TANC1: variants seen among roughly 807,000 people sequenced by gnomAD.
The protein encoded by TANC1 is tetratricopeptide repeat, ankyrin repeat and coiled-coil containing 1.
A neutral mutation model predicts 149.7 loss-of-function variants in TANC1; 77 were observed. That is an observed-to-expected ratio of 0.51 (90% CI 0.43 to 0.62). The LOEUF is 0.62. Among genes scored for constraint, TANC1 ranks in the 20% least tolerant of loss-of-function variants. The probability of loss-of-function intolerance (pLI) is 0.00; values close to 1 mark genes in which losing one functional copy is unlikely to be tolerated. For synonymous variants in TANC1, 854 were observed against 925.0 expected (o/e 0.92, Z 1.39); for missense variants, 1,985 against 2,321.8 (o/e 0.85, Z 2.98).
Position 159,172,258 on chromosome 2 carries a change from T to C in TANC1, c.1489T>C (p.Tyr497His), listed in dbSNP as rs1379043422. The C allele has an allele frequency of 5.0e-6, 8 of 1,614,062 alleles. No homozygotes were observed. Among genetic ancestry groups the C allele is most frequent in the South Asian group, 1.1e-5 (1 of 91,040 alleles). ...NQRPREDAVK[Y>H]LASKVVAYHY... Reference sequence around the variant, plus strand: ...GAGACCAAGAGAGGATGCAGTGAAATATCTTGCTTCTAAGGTAATCTTTCT... The same window carrying C: ...GAGACCAAGAGAGGATGCAGTGAAACATCTTGCTTCTAAGGTAATCTTTCT... The change falls in exon 11 of 27, where the codon TAT (tyrosine) becomes CAT (histidine). Residue 497 changes from tyrosine (Y) to histidine (H), a missense_variant. Transcript: ENST00000263635.
At chr2:159,095,180 T>G (rs1263876263) in intron 3 of TANC1, among the ~76,000 whole-genome samples, 1 of 152,034 alleles carries the variant, frequency 6.6e-6, no homozygotes, top group African/African-American at 2.4e-5. Flanking sequence ...ACTCCTGACC[T>G]CGTGATTCGC....
intron 14 of TANC1, among the ~76,000 whole-genome samples, chr2:159,182,191 A>G (rs2056556606): frequency 8.1e-6 from 1 of 123,464 alleles, no homozygotes; most frequent in Admixed American, 9.2e-5. Flanking sequence ...CCTGGGCAAC[A>G]AGAACAAAAC....
At chr2:159,171,513 A>G (rs1191682985) in intron 10 of TANC1, among the ~76,000 whole-genome samples, 2 of 151,778 alleles carry the variant, frequency 1.3e-5, no homozygotes, top group Admixed American at 1.3e-4. Flanking sequence ...TGTCCCAGCT[A>G]CTCAGGAGGC....
At chr2:158,998,887 G>A (rs892367986) in intron 1 of TANC1, among the ~76,000 whole-genome samples, 4 of 152,102 alleles carry the variant, frequency 2.6e-5, no homozygotes, top group Admixed American at 2.6e-4. Flanking sequence ...TAAATAGAGC[G>A]GGAAGAGAGG....
At chr2:159,205,550 G>A (rs577118594) in intron 19 of TANC1, among the ~76,000 whole-genome samples, 1 of 152,256 alleles carries the variant, frequency 6.6e-6, no homozygotes, top group African/African-American at 2.4e-5. Context: ...AAGTACCACC[G>A]TGTTACAGCT....
chr2:159,217,391 C>T, intron 19 of TANC1, 106 bp from the exon 20 acceptor site: 1 of 1,442,940 alleles, frequency 6.9e-7, no homozygotes, highest in Non-Finnish European at 9.6e-7. Flanking sequence ...AGGGGGAGGA[C>T]ATATAGACCC....
At chr2:159,140,591 A>C (rs963852034) in intron 5 of TANC1, among the ~76,000 whole-genome samples, 3 of 152,058 alleles carry the variant, frequency 2.0e-5, no homozygotes, top group Non-Finnish European at 4.4e-5. Context: ...GCAGGGGATT[A>C]GAGACCTGTA....
chr2:159,102,712 CTTT>C (rs755803794), intron 4 of TANC1, among the ~76,000 whole-genome samples: 11 of 27,084 alleles, frequency 4.1e-4, no homozygotes, highest in Non-Finnish European at 9.0e-4. Flanking sequence ...TGGATATTTG[CTTT>C]TTTTTTTTTT....
chr2:159,185,960 G>T, intron 15 of TANC1, 61 bp downstream of exon 15: 1 of 1,319,924 alleles, frequency 7.6e-7, no homozygotes, highest in South Asian at 1.2e-5. Context: ...TTTTGCTTTG[G>T]AGATTTTAGA....
Position 159,196,546 on chromosome 2 carries a change from C to G in TANC1, c.2980-62C>G, listed in dbSNP as rs967593231. 14 of 1,437,578 alleles carry G rather than the reference C, an allele frequency of 9.7e-6. No homozygotes were observed. In the African/African-American group the frequency reaches 2.0e-4, roughly 20 times the overall value. 89.1% of individuals were successfully genotyped at this position (1,437,578 alleles called of 1,614,324 possible). Reference sequence around the variant, plus strand: ...GGGGTTTGCACACAGCTAGGTGGTGCATCTGCATGCTCAGAGGCAAAGTAA... The same window carrying G: ...GGGGTTTGCACACAGCTAGGTGGTGGATCTGCATGCTCAGAGGCAAAGTAA... On this transcript the variant is annotated intron_variant, in intron 17 of 26. Transcript: ENST00000263635.
chr2:159,065,793 C>A, intron 2 of TANC1, 103 bp from the exon 3 acceptor site: 1 of 810,970 alleles, frequency 1.2e-6, no homozygotes, highest in Non-Finnish European at 2.1e-6. Flanking sequence ...TAATATTAAG[C>A]GGTCTGTTTG....
intron 8 of TANC1, among the ~76,000 whole-genome samples, chr2:159,167,878 G>A (rs767887613): frequency 1.3e-5 from 2 of 152,106 alleles, no homozygotes; most frequent in African/African-American, 2.4e-5. Context: ...GGCACTGGTC[G>A]GCAGCTGGAT....
At chr2:159,173,153 A>G (rs1262024584) in intron 11 of TANC1, among the ~76,000 whole-genome samples, 1 of 152,186 alleles carries the variant, frequency 6.6e-6, no homozygotes, top group Non-Finnish European at 1.5e-5. Context: ...TTCAAACTCC[A>G]TTGACTGTGA....
At chr2:159,175,949 C>T (rs578233393) in intron 12 of TANC1, among the ~76,000 whole-genome samples, 2 of 152,256 alleles carry the variant, frequency 1.3e-5, no homozygotes, top group South Asian at 2.1e-4. Flanking sequence ...CTGGGGGCAG[C>T]GAGGGGGTCA....
intron 2 of TANC1, among the ~76,000 whole-genome samples, chr2:159,061,896 G>T (rs1246131938): frequency 2.6e-5 from 4 of 152,190 alleles, no homozygotes; most frequent in Non-Finnish European, 5.9e-5. Context: ...GGCAGAACTT[G>T]AGGGATTGTT....
At position 159,129,705 on chromosome 2, in the gene TANC1, A is replaced by G. The variant is rs76853820; in HGVS notation, c.260-6489A>G. On this transcript the variant is annotated intron_variant, in intron 4 of 26. Coordinates refer to ENST00000263635, the MANE Select transcript of TANC1 (RefSeq NM_033394.3). ...AGATCCACCTTCTCCTGTATCACAT[A>G]GTGGAGATTGTGAGGGGAGGGGCAG... is the stretch of plus-strand genomic sequence containing the variant. Among the ~76,000 whole-genome samples the G allele has an allele frequency of 2.6e-3, 389 of 152,142 alleles. 4 individuals carry two copies. Among genetic ancestry groups the G allele is most frequent in the African/African-American group, 9.1e-3 (377 of 41,504 alleles).
At chr2:159,075,614 T>G (rs974113175) in intron 3 of TANC1, among the ~76,000 whole-genome samples, 1 of 152,078 alleles carries the variant, frequency 6.6e-6, no homozygotes, top group African/African-American at 2.4e-5. Context: ...CTCATAATAC[T>G]TACAAGCAAA....
intron 2 of TANC1, among the ~76,000 whole-genome samples, chr2:159,019,644 TTTCTTTCTG>T (rs2038617808): frequency 7.0e-6 from 1 of 143,344 alleles, no homozygotes; most frequent in Non-Finnish European, 1.5e-5. Flanking sequence ...TGCAGCTTGC[TTTCTTTCTG>T]TTTTTTTTTT....
At chr2:159,049,215 T>C (rs1317426557) in intron 2 of TANC1, among the ~76,000 whole-genome samples, 1 of 152,232 alleles carries the variant, frequency 6.6e-6, no homozygotes, top group Non-Finnish European at 1.5e-5. Flanking sequence ...TCTTGGTTTC[T>C]TATAAAATTG....
Sources: allele counts gnomAD v4.1 joint callset (sites outside exome capture counted in the v4.1 genomes callset), GRCh38; gene constraint gnomAD v4.1.1; transcripts MANE v1.5; gene names NCBI Gene and HGNC (gene_info 2026-07-23, HGNC 2026-07-21).